Variants in RPS6KC1 observed in about 807,000 individuals in gnomAD.
RPS6KC1 encodes inactive ribosomal protein S6 kinase delta-1.
In RPS6KC1, 54 loss-of-function variants were observed where a neutral mutation model predicts 103.8. The observed-to-expected ratio is 0.52, with a 90% CI of 0.42 to 0.65. The LOEUF (loss-of-function observed/expected upper bound fraction) is 0.65, where lower values mean the gene tolerates loss of function less well. Among genes scored for constraint, RPS6KC1 ranks in the 30% least tolerant of loss-of-function variants. The probability of loss-of-function intolerance (pLI) is 0.00; values close to 1 mark genes in which losing one functional copy is unlikely to be tolerated. For missense variants in RPS6KC1, 1,151 were observed against 1,253.8 expected (o/e 0.92, Z 1.24); for synonymous variants, 439 against 438.7 (o/e 1.00, Z -0.01).
intron 8 of RPS6KC1, among the ~76,000 whole-genome samples, chr1:213,181,803 G>A (rs1311646031): frequency 6.6e-6 from 1 of 152,162 alleles, no homozygotes; most frequent in Non-Finnish European, 1.5e-5. Flanking sequence ...AAGAGAATTT[G>A]TTGCTGACCA....
At chr1:213,742,310 T>TACC in the RPS6KC1 span, among the ~76,000 whole-genome samples, 4 of 152,238 alleles carry the variant, frequency 2.6e-5, no homozygotes, top group Middle Eastern at 3.2e-3. Context: ...AGTTAACACT[T>TACC]AAAGCTCTGG....
intron 6 of RPS6KC1, among the ~76,000 whole-genome samples, chr1:213,153,359 T>G (rs1011203419): frequency 3.3e-5 from 5 of 152,022 alleles, no homozygotes; most frequent in African/African-American, 1.2e-4. Context: ...ATTATATGTT[T>G]TTTTGTTTGA....
the RPS6KC1 span, among the ~76,000 whole-genome samples, chr1:213,766,746 C>T: frequency 6.6e-6 from 1 of 151,986 alleles, no homozygotes; most frequent in Non-Finnish European, 1.5e-5. Flanking sequence ...TACTCCTGTT[C>T]CTACCTCTTA....
chr1:213,814,310 G>T, the RPS6KC1 span, among the ~76,000 whole-genome samples: 40 of 152,354 alleles, frequency 2.6e-4, no homozygotes, highest in African/African-American at 9.1e-4. Context: ...TGACCAACGG[G>T]AGCAGTAAAC....
At chr1:213,322,365 A>G in the RPS6KC1 span, among the ~76,000 whole-genome samples, 1 of 152,196 alleles carries the variant, frequency 6.6e-6, no homozygotes. Context: ...TGTAGTTCAC[A>G]CTGAGATAGG....
At chr1:213,095,406 ACT>A (rs1449584353) in intron 3 of RPS6KC1, among the ~76,000 whole-genome samples, 1 of 152,212 alleles carries the variant, frequency 6.6e-6, no homozygotes, top group African/African-American at 2.4e-5. Context: ...AAAGTTGTAA[ACT>A]CTGCTATTTA....
intron 3 of RPS6KC1, among the ~76,000 whole-genome samples, chr1:213,093,155 C>G (rs2081140765): frequency 6.6e-6 from 1 of 151,226 alleles, no homozygotes; most frequent in South Asian, 2.1e-4. Context: ...CTGTAATGAA[C>G]CTTGTAGGCA....
chr1:213,523,157 C>T, the RPS6KC1 span, among the ~76,000 whole-genome samples: 1 of 151,844 alleles, frequency 6.6e-6, no homozygotes, highest in African/African-American at 2.4e-5. Context: ...ATGGAGAGTC[C>T]CAAGGAAAGG....
At chr1:213,571,968 T>A in the RPS6KC1 span, among the ~76,000 whole-genome samples, 13 of 152,316 alleles carry the variant, frequency 8.5e-5, no homozygotes, top group Non-Finnish European at 1.8e-4. Flanking sequence ...ACTCTTAGAT[T>A]CACACGGCCT....
chr1:213,201,103 T>C (rs1210503304), intron 8 of RPS6KC1, among the ~76,000 whole-genome samples: 2 of 152,196 alleles, frequency 1.3e-5, no homozygotes, highest in Non-Finnish European at 2.9e-5. Context: ...AACCTGCACA[T>C]GTACCCCTGA....
chr1:213,716,387 T>A, the RPS6KC1 span, among the ~76,000 whole-genome samples: 1 of 152,262 alleles, frequency 6.6e-6, no homozygotes, highest in African/African-American at 2.4e-5. Context: ...GAACATTCAG[T>A]CTCCTGGAAA....
At chr1:213,268,713 A>G (rs938498785) in intron 14 of RPS6KC1, among the ~76,000 whole-genome samples, 3 of 151,384 alleles carry the variant, frequency 2.0e-5, no homozygotes, top group Non-Finnish European at 4.4e-5. Flanking sequence ...GAAGGGGGCT[A>G]TGGTAGAGCA....
chr1:213,762,113 A>T, the RPS6KC1 span, among the ~76,000 whole-genome samples: 2 of 152,010 alleles, frequency 1.3e-5, no homozygotes, highest in African/African-American at 4.8e-5. Flanking sequence ...AAGGATGACG[A>T]AAACCAAACT....
intron 1 of RPS6KC1, among the ~76,000 whole-genome samples, chr1:213,063,858 A>C (rs1258999030): frequency 6.6e-6 from 1 of 152,206 alleles, no homozygotes. Context: ...CTGGTATTCC[A>C]TGTAACATGT....
chr1:213,477,298 C>G, the RPS6KC1 span, among the ~76,000 whole-genome samples: 1 of 151,322 alleles, frequency 6.6e-6, no homozygotes, highest in South Asian at 2.1e-4. Context: ...AGTTCAAAAT[C>G]CTTTTATTAA....
At chr1:213,786,678 G>A in the RPS6KC1 span, among the ~76,000 whole-genome samples, 1 of 152,196 alleles carries the variant, frequency 6.6e-6, no homozygotes, top group Non-Finnish European at 1.5e-5. Flanking sequence ...ATGCATGCAT[G>A]AATGGATGAT....
At chr1:213,633,955 A>G in the RPS6KC1 span, among the ~76,000 whole-genome samples, 1 of 149,846 alleles carries the variant, frequency 6.7e-6, no homozygotes, top group Non-Finnish European at 1.5e-5. Flanking sequence ...CAGACTTTAA[A>G]CCAACAAAGA....
At chr1:213,849,301 T>C in the RPS6KC1 span, among the ~76,000 whole-genome samples, 1 of 151,408 alleles carries the variant, frequency 6.6e-6, no homozygotes, top group Non-Finnish European at 1.5e-5. Context: ...TGTTAGGAGG[T>C]GAGCAACAGC....
the RPS6KC1 span, among the ~76,000 whole-genome samples, chr1:213,626,116 G>A: frequency 2.6e-5 from 4 of 152,216 alleles, no homozygotes; most frequent in South Asian, 2.1e-4. Context: ...TTTAATGATC[G>A]CCATTCTAAC....
Sources: allele counts gnomAD v4.1 joint callset (sites outside exome capture counted in the v4.1 genomes callset), GRCh38; gene constraint gnomAD v4.1.1; transcripts MANE v1.5; gene names NCBI Gene and HGNC (gene_info 2026-07-23, HGNC 2026-07-21).